The following DGKB variants were observed in gnomAD, a reference collection of about 807,000 sequenced individuals.
DGKB encodes the protein diacylglycerol kinase beta, also known as 90 kDa diacylglycerol kinase.
DGKB carries 67 observed loss-of-function variants against 114.3 expected under a neutral mutation model. The ratio of observed to expected loss-of-function variants is 0.59; its 90% CI spans 0.48 to 0.72. The LOEUF is 0.72. DGKB is among the 30% of genes least tolerant of loss of function. The pLI, the probability that DGKB is intolerant of heterozygous loss-of-function variation, is 0.00. For missense variants in DGKB, 907 were observed against 975.2 expected, an observed-to-expected ratio of 0.93 and a Z score of 0.93; for synonymous variants, 398 against 323.1, an observed-to-expected ratio of 1.23 and a Z score of -2.49.
chr7:14,360,898 T>A (rs1033286049), intron 21 of DGKB, among the ~76,000 whole-genome samples: 2 of 152,164 alleles, frequency 1.3e-5, no homozygotes, highest in Non-Finnish European at 2.9e-5. Context: ...AGAAGAATTT[T>A]AAATCAGTAA....
At position 14,786,517 on chromosome 7, in the gene DGKB, G is replaced by A. The variant is rs574448171; in HGVS notation, c.71-28786C>T. On this transcript the variant is annotated intron_variant, in intron 2 of 25. Coordinates refer to ENST00000402815, the MANE Select transcript of DGKB (RefSeq NM_001350709.2). The stretch of plus-strand genomic sequence containing the variant: ...CCAGGGCTGTGTATTCCCTGGAGCC[G>A]GGGGGAACCAGGAACAGGCGGAAGG... Among the ~76,000 whole-genome samples the A allele has an allele frequency of 5.3e-5, 8 of 152,276 alleles. No individual in the cohort carries two copies. The South Asian group carries it at 1.2e-3, about 24-fold the overall frequency.
intron 9 of DGKB, among the ~76,000 whole-genome samples, chr7:14,689,291 C>T (rs1292993240): frequency 4.7e-5 from 7 of 147,670 alleles, no homozygotes; most frequent in Non-Finnish European, 8.9e-5. Context: ...CTGCAAGCTC[C>T]GCCTCCCGGG....
intron 25 of DGKB, among the ~76,000 whole-genome samples, chr7:14,153,590 C>CA (rs1782546905): frequency 6.6e-6 from 1 of 152,034 alleles, no homozygotes; most frequent in Non-Finnish European, 1.5e-5. Context: ...GCCCTCCTTG[C>CA]TAATTCCTAC....
chr7:14,524,535 C>T (rs1345459871), intron 20 of DGKB, among the ~76,000 whole-genome samples: 1 of 152,124 alleles, frequency 6.6e-6, no homozygotes, highest in Non-Finnish European at 1.5e-5. Flanking sequence ...GCGGGTGGAG[C>T]ACCTGAGGTC....
intron 23 of DGKB, chr7:14,192,093 G>A (rs568992759): frequency 2.5e-6 from 1 of 405,912 alleles, no homozygotes; most frequent in South Asian, 1.9e-5. Flanking sequence ...GGACAGGAAG[G>A]CTGCTGATGG....
chr7:14,752,735 T>G (rs759551981), intron 4 of DGKB, among the ~76,000 whole-genome samples: 1 of 152,132 alleles, frequency 6.6e-6, no homozygotes, highest in Non-Finnish European at 1.5e-5. Flanking sequence ...TGACATGAAT[T>G]TTCAGACAGC....
intron 23 of DGKB, among the ~76,000 whole-genome samples, chr7:14,219,280 G>T (rs1010972958): frequency 6.6e-6 from 1 of 151,790 alleles, no homozygotes; most frequent in African/African-American, 2.4e-5. Context: ...CATGGACTCT[G>T]ACCTAAGATT....
At chr7:14,874,948 G>A (rs529530099) in intron 1 of DGKB, among the ~76,000 whole-genome samples, 13 of 152,042 alleles carry the variant, frequency 8.6e-5, no homozygotes, top group East Asian at 3.9e-4. Flanking sequence ...CTAGCGTAAC[G>A]GGGAAGTAAA....
chr7:14,680,012 G>T (rs1298731810), intron 12 of DGKB, among the ~76,000 whole-genome samples: 1 of 151,858 alleles, frequency 6.6e-6, no homozygotes, highest in African/African-American at 2.4e-5. Flanking sequence ...TTAAAAATTT[G>T]CACAAGTTGT....
intron 23 of DGKB, among the ~76,000 whole-genome samples, chr7:14,234,171 A>G (rs909450788): frequency 6.6e-6 from 1 of 152,034 alleles, no homozygotes; most frequent in Non-Finnish European, 1.5e-5. Context: ...TTGAAATTCA[A>G]CATAATACCT....
chr7:14,335,478 T>A (rs1458278366), intron 23 of DGKB, among the ~76,000 whole-genome samples: 1 of 152,152 alleles, frequency 6.6e-6, no homozygotes, highest in Non-Finnish European at 1.5e-5. Flanking sequence ...TTCTGATAAT[T>A]TTTTACAGAG....
chr7:14,489,620 T>C (rs1784326398), intron 20 of DGKB, among the ~76,000 whole-genome samples: 1 of 152,170 alleles, frequency 6.6e-6, no homozygotes, highest in African/African-American at 2.4e-5. Flanking sequence ...GACAGCATAA[T>C]ACTTAATTTT....
At chr7:14,177,989 T>C (rs759282594) in intron 24 of DGKB, 42 bp downstream of exon 24, 31 of 1,512,888 alleles carry the variant, frequency 2.0e-5, no homozygotes, top group African/African-American at 8.5e-5. Flanking sequence ...TTTGAGGCTA[T>C]GCCATATCAA....
chr7:14,631,798 T>A (rs1402279500), intron 13 of DGKB, among the ~76,000 whole-genome samples: 1 of 152,046 alleles, frequency 6.6e-6, no homozygotes, highest in East Asian at 1.9e-4. Context: ...AAGGTCTGAA[T>A]AAAATTGCAA....
chr7:14,570,543 T>C (rs1193214318), intron 20 of DGKB, among the ~76,000 whole-genome samples: 1 of 152,124 alleles, frequency 6.6e-6, no homozygotes, highest in East Asian at 1.9e-4. Flanking sequence ...AGCCAATTAA[T>C]ATATATTTTG....
rs531856686 is a variant in DGKB, at chr7:14,562,857, G to C, written c.1770+11355C>G. ...TGCTGAAATGGGTTAATACTTTGGG[G>C]GACTGTTGAAAAGGCATGATTGTGT... On this transcript the variant is annotated intron_variant, in intron 20 of 25. Coordinates refer to ENST00000402815, the MANE Select transcript of DGKB (RefSeq NM_001350709.2). 7.2e-5 allele frequency among the ~76,000 whole-genome samples: 11 copies of C among 152,242 alleles called. No homozygotes were observed. In the South Asian group the frequency reaches 2.1e-3, roughly 29 times the overall value.
intron 6 of DGKB, among the ~76,000 whole-genome samples, chr7:14,715,393 A>G (rs1828021954): frequency 6.6e-6 from 1 of 152,146 alleles, no homozygotes; most frequent in Non-Finnish European, 1.5e-5. Context: ...GACTTTCCCT[A>G]AAGTACTATG....
intron 7 of DGKB, among the ~76,000 whole-genome samples, chr7:14,701,430 C>T (rs1278475979): frequency 6.6e-6 from 1 of 152,012 alleles, no homozygotes; most frequent in Non-Finnish European, 1.5e-5. Context: ...TTTTACCTAA[C>T]TTCAGTGCAG....
chr7:14,816,661 G>A (rs897810725), intron 2 of DGKB: 6 of 152,062 alleles, frequency 3.9e-5, no homozygotes, highest in Non-Finnish European at 5.9e-5. Flanking sequence ...ATACTATCTC[G>A]TACATTTGAT....
Sources: allele counts gnomAD v4.1 joint callset (sites outside exome capture counted in the v4.1 genomes callset), GRCh38; gene constraint gnomAD v4.1.1; transcripts MANE v1.5; gene names NCBI Gene and HGNC (gene_info 2026-07-23, HGNC 2026-07-21).